CTNNA2: variants seen among roughly 807,000 people sequenced by gnomAD.
CTNNA2 encodes catenin alpha 2, also known as catenin alpha-2.
CTNNA2 carries 42 observed loss-of-function variants against 101.0 expected under a neutral mutation model. The ratio of observed to expected loss-of-function variants is 0.42; its 90% CI spans 0.32 to 0.54. The LOEUF (loss-of-function observed/expected upper bound fraction) is 0.54, where lower values mean the gene tolerates loss of function less well. Among genes scored for constraint, CTNNA2 ranks in the 20% least tolerant of loss-of-function variants. The pLI, the probability that CTNNA2 is intolerant of heterozygous loss-of-function variation, is 0.14. For synonymous variants in CTNNA2, 450 were observed against 456.4 expected (o/e 0.99, Z 0.18); for missense variants, 871 against 1,223.1 (o/e 0.71, Z 4.29).
At chr2:80,140,759 T>A (rs1702961127) in intron 7 of CTNNA2, among the ~76,000 whole-genome samples, 1 of 152,190 alleles carries the variant, frequency 6.6e-6, no homozygotes, top group Non-Finnish European at 1.5e-5. Context: ...TTTAAATTTC[T>A]TTGCTTCCAC....
At chr2:79,410,956 T>G (rs573684778) in intron 4 of CTNNA2, among the ~76,000 whole-genome samples, 5 of 152,280 alleles carry the variant, frequency 3.3e-5, no homozygotes, top group African/African-American at 1.2e-4. Flanking sequence ...AGTAAGCTAT[T>G]GATTATTGCC....
chr2:79,225,094 AG>A (rs1674391883), intron 2 of CTNNA2, among the ~76,000 whole-genome samples: 1 of 152,076 alleles, frequency 6.6e-6, no homozygotes, highest in Non-Finnish European at 1.5e-5. Context: ...ATTCGGCCAC[AG>A]GTCTTTTTGC....
At chr2:79,844,448 A>C (rs1033087200) in intron 3 of CTNNA2, among the ~76,000 whole-genome samples, 1 of 152,262 alleles carries the variant, frequency 6.6e-6, no homozygotes, top group East Asian at 1.9e-4. Flanking sequence ...TTTGTCCAAT[A>C]TTTCCTGACG....
chr2:80,416,668 C>T (rs1480894439), intron 8 of CTNNA2, among the ~76,000 whole-genome samples: 1 of 151,674 alleles, frequency 6.6e-6, no homozygotes, highest in Non-Finnish European at 1.5e-5. Context: ...TGTAATATGT[C>T]TTTATTGTCA....
chr2:80,637,999 T>C (rs1174713796), intron 18 of CTNNA2, among the ~76,000 whole-genome samples: 2 of 152,162 alleles, frequency 1.3e-5, no homozygotes, highest in Non-Finnish European at 2.9e-5. Context: ...GGTCATTTAG[T>C]GACTTTGATC....
chr2:79,219,658 T>A (rs1674316730), intron 2 of CTNNA2, among the ~76,000 whole-genome samples: 1 of 152,158 alleles, frequency 6.6e-6, no homozygotes, highest in Admixed American at 6.5e-5. Flanking sequence ...AAGTGGTAAA[T>A]CCATGATATT....
intron 7 of CTNNA2, among the ~76,000 whole-genome samples, chr2:79,942,964 C>G (rs989334033): frequency 3.3e-5 from 5 of 152,166 alleles, no homozygotes; most frequent in Non-Finnish European, 1.5e-5. Flanking sequence ...TGCCTGTAAT[C>G]CCAGCGCTTT....
At chr2:79,338,578 ATCTTCTTCTTCTTCTTCT>A (rs70940029) in intron 3 of CTNNA2, among the ~76,000 whole-genome samples, 46 of 117,808 alleles carry the variant, frequency 3.9e-4, no homozygotes, top group African/African-American at 1.5e-3. Flanking sequence ...CCTCCTCATC[ATCTTCTTCTTCTTCTTCT>A]TCTTCTTCTT....
At chr2:79,190,700 C>G (rs535102875) in intron 1 of CTNNA2, among the ~76,000 whole-genome samples, 2 of 152,100 alleles carry the variant, frequency 1.3e-5, no homozygotes, top group Non-Finnish European at 2.9e-5. Context: ...GACGGGGCAC[C>G]AGTGAGAGGA....
chr2:79,390,503 A>C (rs1455013758), intron 4 of CTNNA2, among the ~76,000 whole-genome samples: 4 of 152,168 alleles, frequency 2.6e-5, no homozygotes, highest in Non-Finnish European at 4.4e-5. Flanking sequence ...TCCAGACATG[A>C]ATTTTTTCCA....
Position 79,738,037 on chromosome 2 carries a change from T to C in CTNNA2, c.103-6350T>C, listed in dbSNP as rs1394905594. Among the ~76,000 whole-genome samples the C allele has an allele frequency of 2.6e-5, 4 of 152,290 alleles. 1 individual carries two copies. Among genetic ancestry groups the C allele is most frequent in the South Asian group, 4.1e-4 (2 of 4,828 alleles). ...ACATATCGCAAGAAAGAGAAATGAA[T>C]GAAATGGTCTTGGCCACTGCACTAC... is the stretch of plus-strand genomic sequence containing the variant. On this transcript the variant is annotated intron_variant, in intron 2 of 18. Transcript: ENST00000402739.
intron 2 of CTNNA2, among the ~76,000 whole-genome samples, chr2:79,214,739 G>A (rs79157548): frequency 1.5e-3 from 226 of 152,220 alleles, no homozygotes; most frequent in Non-Finnish European, 2.3e-3. Flanking sequence ...TGCGGCTGTA[G>A]TCCAAGAATA....
At chr2:79,325,974 G>A (rs2104413730) in intron 3 of CTNNA2, among the ~76,000 whole-genome samples, 1 of 152,214 alleles carries the variant, frequency 6.6e-6, no homozygotes, top group East Asian at 1.9e-4. Flanking sequence ...AATTCAAGAG[G>A]GTTTAGAGTC....
At chr2:80,530,582 G>A (rs1350488544) in intron 9 of CTNNA2, among the ~76,000 whole-genome samples, 1 of 152,192 alleles carries the variant, frequency 6.6e-6, no homozygotes, top group East Asian at 1.9e-4. Context: ...TTAAGCAGAG[G>A]AGAACTTGAA....
intron 7 of CTNNA2, among the ~76,000 whole-genome samples, chr2:80,103,283 CA>C (rs1558811515): frequency 6.6e-6 from 1 of 152,122 alleles, no homozygotes; most frequent in East Asian, 1.9e-4. Context: ...GCCTTTCAAA[CA>C]GCCATTTTCT....
In CTNNA2 at chr2:80,261,976, T is replaced by TGAC. The variant is rs879856323; in HGVS notation, c.1057-131235_1057-131234insGAC. ...GCAAAGCTGACTACTTGCTAGTCTG[T>TGAC]TACTGTGTTGAAGTGTATTCTGTTA... On this transcript the variant is annotated intron_variant, in intron 7 of 18. Transcript: ENST00000402739. Among the ~76,000 whole-genome samples, 163 of 152,338 alleles carry TGAC rather than the reference T, an allele frequency of 1.1e-3. 2 individuals are homozygous for TGAC. The highest frequency in any genetic ancestry group is 4.3e-3 in the South Asian group (21 of 4,832).
intron 3 of CTNNA2, among the ~76,000 whole-genome samples, chr2:79,323,521 C>T (rs1234215858): frequency 6.8e-6 from 1 of 147,986 alleles, no homozygotes; most frequent in Non-Finnish European, 1.5e-5. Context: ...TCCATTTATA[C>T]TTTCTTCAAA....
intron 1 of CTNNA2, among the ~76,000 whole-genome samples, chr2:79,544,775 C>A (rs938477423): frequency 3.3e-5 from 5 of 151,998 alleles, no homozygotes; most frequent in African/African-American, 1.2e-4. Flanking sequence ...GCCCAAGTGG[C>A]CTAACAAAGA....
rs114328974 is a variant in CTNNA2 at position 79,975,485 on chromosome 2, C to T, written c.1056+65688C>T. ...GTCCTCTACGTCAATTCGGTTCTGA[C>T]CTAGAGGTAGTGTCAGATCCTACAG... is the stretch of plus-strand genomic sequence containing the variant. On this transcript the variant is annotated intron_variant, in intron 7 of 18. Coordinates refer to ENST00000402739, the MANE Select transcript of CTNNA2 (RefSeq NM_001282597.3). 2.8e-3 allele frequency among the ~76,000 whole-genome samples: 421 copies of T among 152,228 alleles called. 3 individuals are homozygous for T. The highest frequency in any genetic ancestry group is 0.015 in the South Asian group (74 of 4,818).
Sources: allele counts gnomAD v4.1 joint callset (sites outside exome capture counted in the v4.1 genomes callset), GRCh38; gene constraint gnomAD v4.1.1; transcripts MANE v1.5; gene names NCBI Gene and HGNC (gene_info 2026-07-23, HGNC 2026-07-21).